The following DNAJC10 variants were observed in gnomAD, a reference collection of about 807,000 sequenced individuals.
DNAJC10 encodes endoplasmic reticulum disulfide reductase DNAJC10.
Under a neutral mutation model 115.0 loss-of-function variants are expected in DNAJC10, and 101 were observed. That is an observed-to-expected ratio of 0.88 (90% confidence interval 0.75 to 1.04). The LOEUF (loss-of-function observed/expected upper bound fraction) is 1.04, where lower values mean the gene tolerates loss of function less well. Among genes scored for constraint, DNAJC10 ranks in the 50% least tolerant of loss-of-function variants. The pLI is 0.00. For missense variants in DNAJC10, 981 were observed against 928.8 expected (o/e 1.06, Z -0.73); for synonymous variants, 307 against 301.5 (o/e 1.02, Z -0.19).
chr2:182,742,078 C>G (rs1355475465), intron 13 of DNAJC10, among the ~76,000 whole-genome samples: 1 of 152,192 alleles, frequency 6.6e-6, no homozygotes, highest in Non-Finnish European at 1.5e-5. Context: ...TAGTGGCTTA[C>G]TATATGGTTA....
chr2:182,727,882 A>AT (rs1434208055), intron 5 of DNAJC10, among the ~76,000 whole-genome samples: 1 of 152,230 alleles, frequency 6.6e-6, no homozygotes, highest in Non-Finnish European at 1.5e-5. Flanking sequence ...GCATCAGGTC[A>AT]TTTTACAGAT....
At chr2:182,776,747 C>T (rs962256300) in intron 23 of DNAJC10, among the ~76,000 whole-genome samples, 7 of 152,122 alleles carry the variant, frequency 4.6e-5, no homozygotes, top group East Asian at 1.9e-4. Flanking sequence ...TCTAGTGTTT[C>T]GCTATATTAG....
chr2:182,725,452 A>G (rs1351424684), intron 5 of DNAJC10, among the ~76,000 whole-genome samples: 1 of 152,208 alleles, frequency 6.6e-6, no homozygotes, highest in Non-Finnish European at 1.5e-5. Flanking sequence ...TGCAAAGGAA[A>G]AGTTCTTCAT....
chr2:182,768,032 G>A (rs1559025331), intron 22 of DNAJC10, among the ~76,000 whole-genome samples: 1 of 152,092 alleles, frequency 6.6e-6, no homozygotes, highest in Non-Finnish European at 1.5e-5. Context: ...GGAGAATTAG[G>A]TTAAGATCTG....
intron 22 of DNAJC10, among the ~76,000 whole-genome samples, chr2:182,766,153 G>C (rs1284874819): frequency 1.3e-5 from 2 of 152,174 alleles, no homozygotes; most frequent in African/African-American, 4.8e-5. Flanking sequence ...AATCATGCGA[G>C]CTTGAGCAAG....
At chr2:182,732,853 T>A in intron 10 of DNAJC10, 1 of 345,082 alleles carries the variant, frequency 2.9e-6, no homozygotes, top group Non-Finnish European at 5.2e-6. Context: ...GTTGTTTTCT[T>A]TTTTAGTCAT....
rs972512292 is a variant in DNAJC10, at chr2:182,785,048, G to C, written c.*7916G>C. The stretch of plus-strand genomic sequence containing the variant: ...TTTGACTATGAGAAATTGCAGAAAA[G>C]TTAAAAGTATTTCGCATCCAAAAGT... On this transcript the variant is annotated 3_prime_UTR_variant, in exon 24 of 24. Transcript: ENST00000264065. The C allele has an allele frequency of 6.6e-6, 1 of 152,144 alleles. No individual in the cohort carries two copies. The highest frequency in any genetic ancestry group is 2.4e-5 in the African/African-American group (1 of 41,436). 9.4% of individuals were successfully genotyped at this position (152,144 alleles called of 1,614,324 possible).
chr2:182,738,380 G>T (rs184591582), intron 11 of DNAJC10, among the ~76,000 whole-genome samples: 1 of 152,140 alleles, frequency 6.6e-6, no homozygotes, highest in South Asian at 2.1e-4. Context: ...CAACAATAGA[G>T]CCTCTTGCCT....
intron 5 of DNAJC10, among the ~76,000 whole-genome samples, chr2:182,725,371 T>A (rs935260638): frequency 6.6e-6 from 1 of 152,176 alleles, no homozygotes; most frequent in Admixed American, 6.5e-5. Flanking sequence ...ATGATTAAGC[T>A]TAGTGAGGGA....
chr2:182,726,799 A>G (rs1693296228), intron 5 of DNAJC10, among the ~76,000 whole-genome samples: 1 of 152,300 alleles, frequency 6.6e-6, no homozygotes, highest in African/African-American at 2.4e-5. Context: ...CAGCAGGATC[A>G]TAGCTCATCA....
intron 22 of DNAJC10, among the ~76,000 whole-genome samples, chr2:182,772,459 T>C (rs1231034193): frequency 6.6e-6 from 1 of 152,200 alleles, no homozygotes; most frequent in Non-Finnish European, 1.5e-5. Context: ...TAAGTGTCTT[T>C]GTAGGTTTCT....
At chr2:182,763,492 A>G (rs1694336856) in intron 22 of DNAJC10, among the ~76,000 whole-genome samples, 1 of 152,096 alleles carries the variant, frequency 6.6e-6, no homozygotes. Context: ...TTGTTAAACC[A>G]CAAACATCCA....
Position 182,788,943 on chromosome 2 carries a change from A to G in DNAJC10, c.*11811A>G, listed in dbSNP as rs1346719958. ...AAAGTACATGTAACAAAATTTATTA[A>G]TCATTTTAAAGTAGCATACAGTTCA... is the stretch of plus-strand genomic sequence containing the variant. On this transcript the variant is annotated 3_prime_UTR_variant, in exon 24 of 24. Transcript: ENST00000264065. 2 of 398,416 alleles carry G rather than the reference A, an allele frequency of 5.0e-6. No individual in the cohort carries two copies. Among genetic ancestry groups the G allele is most frequent in the Admixed American group, 6.4e-5 (2 of 31,332 alleles). 24.7% of individuals were successfully genotyped at this position (398,416 alleles called of 1,614,324 possible).
At chr2:182,728,229 G>A (rs765834550) in intron 5 of DNAJC10, among the ~76,000 whole-genome samples, 13 of 152,068 alleles carry the variant, frequency 8.5e-5, no homozygotes, top group Non-Finnish European at 1.9e-4. Flanking sequence ...ACTCTTACGT[G>A]AGGTTTGGCT....
chr2:182,765,869 T>C (rs1461620837), intron 22 of DNAJC10, among the ~76,000 whole-genome samples: 4 of 152,240 alleles, frequency 2.6e-5, no homozygotes, highest in African/African-American at 7.2e-5. Context: ...AGGTCTATTA[T>C]CAGGTTTTAT....
chr2:182,733,980 C>G (rs1239879585), intron 10 of DNAJC10, among the ~76,000 whole-genome samples: 2 of 150,888 alleles, frequency 1.3e-5, no homozygotes, highest in African/African-American at 2.4e-5. Context: ...ACTTTCTGAT[C>G]ATATTTTGTG....
chr2:182,774,704 A>G (rs1694657323), intron 22 of DNAJC10, among the ~76,000 whole-genome samples: 1 of 152,256 alleles, frequency 6.6e-6, no homozygotes, highest in African/African-American at 2.4e-5. Flanking sequence ...AGACCTTGGG[A>G]AAAGTGCAGT....
At chr2:182,735,263 C>A (rs1693555486) in intron 10 of DNAJC10, among the ~76,000 whole-genome samples, 1 of 151,698 alleles carries the variant, frequency 6.6e-6, no homozygotes, top group East Asian at 1.9e-4. Flanking sequence ...CTACCTAACG[C>A]AAGAGTACTA....
At chr2:182,732,115 G>A (rs1693462301) in intron 9 of DNAJC10, among the ~76,000 whole-genome samples, 2 of 151,932 alleles carry the variant, frequency 1.3e-5, no homozygotes, top group African/African-American at 4.8e-5. Flanking sequence ...TGTATTTTGA[G>A]GATCCTTTAT....
Sources: allele counts gnomAD v4.1 joint callset (sites outside exome capture counted in the v4.1 genomes callset), GRCh38; gene constraint gnomAD v4.1.1; transcripts MANE v1.5; gene names NCBI Gene and HGNC (gene_info 2026-07-23, HGNC 2026-07-21).